CREB5: variants seen among roughly 807,000 people sequenced by gnomAD.
CREB5 encodes the protein cAMP responsive element binding protein 5.
In CREB5, 19 loss-of-function variants were observed where a neutral mutation model predicts 57.1. The observed-to-expected ratio is 0.33, with a 90% CI of 0.23 to 0.49. The LOEUF is 0.49. Among genes scored for constraint, CREB5 ranks in the 20% least tolerant of loss-of-function variants. The probability of loss-of-function intolerance (pLI) is 0.99; values close to 1 mark genes in which losing one functional copy is unlikely to be tolerated. For missense variants in CREB5, 579 were observed against 671.6 expected, an observed-to-expected ratio of 0.86 and a Z score of 1.52; for synonymous variants, 238 against 238.3, an observed-to-expected ratio of 1.00 and a Z score of 0.01.
intron 5 of CREB5, among the ~76,000 whole-genome samples, chr7:28,620,040 A>G (rs544793329): frequency 6.6e-6 from 1 of 152,350 alleles, no homozygotes; most frequent in South Asian, 2.1e-4. Flanking sequence ...GAATTTGGGC[A>G]TCATTTTAAT....
In CREB5 at chr7:28,435,581, A is replaced by C. The variant is rs2128557767; in HGVS notation, c.3+22664A>C. The C allele has an allele frequency of 3.1e-6, 3 of 961,332 alleles. No individual in the cohort carries two copies. The South Asian group carries it at 1.4e-4, about 46-fold the overall frequency. 59.6% of individuals were successfully genotyped at this position (961,332 alleles called of 1,614,324 possible). ...CTGCATCATCTTCATCAGGAGAAAC[A>C]TTTCAAACATTTATTTTCTTTGCAA... On this transcript the variant is annotated intron_variant, in intron 1 of 10. Coordinates refer to ENST00000357727, the MANE Select transcript of CREB5 (RefSeq NM_182898.4).
At position 28,812,497 on chromosome 7, in the gene CREB5, C is replaced by T. The variant is rs563739128; in HGVS notation, c.1254+3083C>T. Among the ~76,000 whole-genome samples, 7 of 152,172 alleles carry T rather than the reference C, an allele frequency of 4.6e-5. No homozygotes were observed. In the South Asian group the frequency reaches 1.4e-3, roughly 32 times the overall value. ...CCAAATGGCTAAGGAAAAAAAGAAACTAGAACTCTAGCTCCCAAAACCAGA... is the reference window on the plus strand; with the variant it reads ...CCAAATGGCTAAGGAAAAAAAGAAATTAGAACTCTAGCTCCCAAAACCAGA... On this transcript the variant is annotated intron_variant, in intron 9 of 10. Transcript: ENST00000357727.
chr7:28,500,991 T>C (rs1792252285), intron 3 of CREB5, among the ~76,000 whole-genome samples: 21 of 152,166 alleles, frequency 1.4e-4, no homozygotes, highest in Admixed American at 1.4e-3. Context: ...TAATACTAGC[T>C]ACCATTTACT....
At chr7:28,388,005 G>A (rs1243873595) in intron 1 of CREB5, among the ~76,000 whole-genome samples, 1 of 152,082 alleles carries the variant, frequency 6.6e-6, no homozygotes, top group Admixed American at 6.5e-5. Flanking sequence ...TCTCAATCAT[G>A]GAGCCTATTT....
At chr7:28,651,501 A>G (rs142985236) in intron 5 of CREB5, among the ~76,000 whole-genome samples, 1,941 of 152,252 alleles carry the variant, frequency 0.013, 24 homozygotes, top group Non-Finnish European at 0.02. Context: ...CAGCACTTTG[A>G]GAGGCCAAGG....
intron 1 of CREB5, among the ~76,000 whole-genome samples, chr7:28,380,219 A>G (rs534982120): frequency 3.9e-5 from 6 of 152,316 alleles, no homozygotes; most frequent in South Asian, 2.1e-4. Context: ...AGCCATAGGT[A>G]AGTTACACAG....
intron 1 of CREB5, among the ~76,000 whole-genome samples, chr7:28,389,632 CTTT>C (rs111405837): frequency 2.1e-4 from 31 of 146,708 alleles, no homozygotes; most frequent in Non-Finnish European, 4.1e-4. Flanking sequence ...CTATACTAAA[CTTT>C]TTTTTTTTTT....
intron 1 of CREB5, among the ~76,000 whole-genome samples, chr7:28,315,339 AT>A: frequency 6.6e-6 from 1 of 152,288 alleles, no homozygotes; most frequent in East Asian, 1.9e-4. Context: ...TGACAATTTT[AT>A]TTTTTCGGAA....
upstream of CREB5, among the ~76,000 whole-genome samples, chr7:28,408,700 G>A (rs942198024): frequency 1.6e-4 from 25 of 152,190 alleles, no homozygotes; most frequent in African/African-American, 6.0e-4. Context: ...GTCCCGCGAA[G>A]GGTGGGGCTG....
At chr7:28,797,520 G>C (rs1457225410) in intron 7 of CREB5, among the ~76,000 whole-genome samples, 1 of 152,114 alleles carries the variant, frequency 6.6e-6, no homozygotes, top group East Asian at 1.9e-4. Context: ...CTTATTTGAA[G>C]TTTTATTAGC....
chr7:28,696,501 G>A (rs1801569879), intron 5 of CREB5, among the ~76,000 whole-genome samples: 1 of 152,158 alleles, frequency 6.6e-6, no homozygotes, highest in Admixed American at 6.5e-5. Flanking sequence ...ACTGAAGTGA[G>A]AAGGATCTTA....
intron 1 of CREB5, among the ~76,000 whole-genome samples, chr7:28,365,794 AT>A (rs931171196): frequency 4.1e-4 from 62 of 151,442 alleles, no homozygotes; most frequent in African/African-American, 1.5e-3. Flanking sequence ...TCTTTAAAAT[AT>A]TTTTTTTTCT....
intron 5 of CREB5, among the ~76,000 whole-genome samples, chr7:28,603,392 G>A (rs763488726): frequency 6.6e-6 from 1 of 152,118 alleles, no homozygotes; most frequent in Non-Finnish European, 1.5e-5. Flanking sequence ...TTTTGATCAC[G>A]GCCTATTTGT....
chr7:28,596,465 T>G (rs1231164217), intron 5 of CREB5, among the ~76,000 whole-genome samples: 2 of 152,280 alleles, frequency 1.3e-5, no homozygotes, highest in Non-Finnish European at 2.9e-5. Flanking sequence ...GAGTCACAGA[T>G]GCTGAGAAGC....
chr7:28,766,891 T>C (rs1215001678), intron 7 of CREB5, among the ~76,000 whole-genome samples: 1 of 152,194 alleles, frequency 6.6e-6, no homozygotes, highest in African/African-American at 2.4e-5. Flanking sequence ...AGATAACTCT[T>C]GGGGACAGGG....
intron 7 of CREB5, among the ~76,000 whole-genome samples, chr7:28,798,490 T>A (rs1420568871): frequency 6.6e-6 from 1 of 152,140 alleles, no homozygotes; most frequent in Non-Finnish European, 1.5e-5. Context: ...TGATGCAAAC[T>A]TGAGCTAAAC....
intron 5 of CREB5, among the ~76,000 whole-genome samples, chr7:28,673,435 G>C (rs1439522501): frequency 1.3e-5 from 2 of 152,196 alleles, no homozygotes; most frequent in Non-Finnish European, 2.9e-5. Flanking sequence ...CTCTCAAAGT[G>C]AGAAATGGCA....
chr7:28,660,640 A>T (rs1444457657), intron 5 of CREB5, among the ~76,000 whole-genome samples: 1 of 152,184 alleles, frequency 6.6e-6, no homozygotes, highest in African/African-American at 2.4e-5. Context: ...AGTAAAAAAA[A>T]GTCTAGAGAA....
rs149558002 is a variant in CREB5 at position 28,598,291 on chromosome 7, C to T, written c.464+27754C>T. ...ATGCAAGAAGTGCTTTTTCACCTTCCGCCATGATCCCCAGCCAGGTGGAAC... is the reference window on the plus strand; with the variant it reads ...ATGCAAGAAGTGCTTTTTCACCTTCTGCCATGATCCCCAGCCAGGTGGAAC... On this transcript the variant is annotated intron_variant, in intron 5 of 10. Transcript: ENST00000357727. Among the ~76,000 whole-genome samples the T allele has an allele frequency of 3.7e-3, 560 of 152,254 alleles. 4 individuals carry two copies. Among genetic ancestry groups the T allele is most frequent in the Middle Eastern group, 0.01 (3 of 294 alleles).
Sources: allele counts gnomAD v4.1 joint callset (sites outside exome capture counted in the v4.1 genomes callset), GRCh38; gene constraint gnomAD v4.1.1; transcripts MANE v1.5; gene names NCBI Gene and HGNC (gene_info 2026-07-23, HGNC 2026-07-21).